CEP83: variants seen among roughly 807,000 people sequenced by gnomAD.
The protein encoded by CEP83 is centrosomal protein 83.
CEP83 carries 70 observed loss-of-function variants against 101.9 expected under a neutral mutation model. That is an observed-to-expected ratio of 0.69 (90% CI 0.57 to 0.84). The LOEUF is 0.84. Among genes scored for constraint, CEP83 ranks in the 40% least tolerant of loss-of-function variants. The pLI is 0.00. For synonymous variants in CEP83, 264 were observed against 267.9 expected (o/e 0.99, Z 0.14); for missense variants, 715 against 787.2 (o/e 0.91, Z 1.10).
At chr12:94,403,969 A>C (rs1407360332) in intron 4 of CEP83, among the ~76,000 whole-genome samples, 2 of 152,176 alleles carry the variant, frequency 1.3e-5, no homozygotes, top group African/African-American at 4.8e-5. Flanking sequence ...TGAAGAGTCC[A>C]AATATTGTAT....
At chr12:94,365,395 C>T (rs2060971870) in intron 11 of CEP83, among the ~76,000 whole-genome samples, 1 of 152,166 alleles carries the variant, frequency 6.6e-6, no homozygotes, top group Non-Finnish European at 1.5e-5. Flanking sequence ...CACCTATTTA[C>T]TTCAGGAATT....
the CEP83 span, among the ~76,000 whole-genome samples, chr12:94,289,375 C>A: frequency 9.2e-5 from 14 of 152,176 alleles, no homozygotes; most frequent in African/African-American, 3.4e-4. Context: ...GTTGTCACAT[C>A]GAATCCTAGA....
the CEP83 span, chr12:94,278,262 G>C: frequency 2.9e-6 from 1 of 350,718 alleles, no homozygotes; most frequent in Non-Finnish European, 5.7e-6. Flanking sequence ...TTCTGACTTT[G>C]TGATTACCAA....
chr12:94,346,885 A>C (rs906326459), intron 11 of CEP83, among the ~76,000 whole-genome samples: 1 of 152,092 alleles, frequency 6.6e-6, no homozygotes, highest in African/African-American at 2.4e-5. Flanking sequence ...TAAAAATATA[A>C]AACTTAGCCA....
the CEP83 span, among the ~76,000 whole-genome samples, chr12:94,273,219 A>G: frequency 2.3e-4 from 35 of 152,252 alleles, no homozygotes; most frequent in Admixed American, 1.2e-3. Flanking sequence ...CTAGAACCAT[A>G]TTCTTTTCTT....
chr12:94,358,149 T>C (rs1427044060), intron 11 of CEP83, among the ~76,000 whole-genome samples: 1 of 152,182 alleles, frequency 6.6e-6, no homozygotes, highest in Non-Finnish European at 1.5e-5. Context: ...TATATCAAAG[T>C]AGTTATATTT....
At chr12:94,428,222 G>A (rs1349265935) in intron 2 of CEP83, among the ~76,000 whole-genome samples, 1 of 152,216 alleles carries the variant, frequency 6.6e-6, no homozygotes, top group Non-Finnish European at 1.5e-5. Flanking sequence ...TGAAAGTTGT[G>A]ATCTGAAAGG....
chr12:94,290,696 T>C, the CEP83 span, among the ~76,000 whole-genome samples: 1 of 152,262 alleles, frequency 6.6e-6, no homozygotes, highest in Non-Finnish European at 1.5e-5. Context: ...GCTTGCTAGG[T>C]GGGCTAGTAC....
chr12:94,298,815 G>A, the CEP83 span: 12 of 1,599,390 alleles, frequency 7.5e-6, no homozygotes, highest in Non-Finnish European at 1.0e-5. Flanking sequence ...TAGGTGATTA[G>A]TGACTGTTTT....
At chr12:94,290,278 T>C in the CEP83 span, among the ~76,000 whole-genome samples, 1 of 152,238 alleles carries the variant, frequency 6.6e-6, no homozygotes, top group Non-Finnish European at 1.5e-5. Context: ...TCAAAGCTTC[T>C]CATAAACTCG....
At chr12:94,397,964 C>T (rs994143455) in intron 6 of CEP83, among the ~76,000 whole-genome samples, 2 of 152,142 alleles carry the variant, frequency 1.3e-5, no homozygotes, top group East Asian at 3.8e-4. Context: ...CGGTCACCTT[C>T]GAATGGGTAA....
At chr12:94,275,660 C>T in the CEP83 span, among the ~76,000 whole-genome samples, 16 of 91,398 alleles carry the variant, frequency 1.8e-4, 2 homozygotes, top group Non-Finnish European at 3.1e-4. Flanking sequence ...GAGACCATCC[C>T]GGCTAAAACG....
At chr12:94,376,072 C>G (rs1293920354) in intron 7 of CEP83, 55 bp from the exon 8 acceptor site, 1 of 1,081,938 alleles carries the variant, frequency 9.2e-7, no homozygotes, top group African/African-American at 1.6e-5. Context: ...ATTTCAAAAT[C>G]AAATAAGCAC....
the CEP83 span, among the ~76,000 whole-genome samples, chr12:94,298,375 A>G: frequency 6.6e-6 from 1 of 152,224 alleles, no homozygotes; most frequent in Non-Finnish European, 1.5e-5. Context: ...GATTTCTGAT[A>G]TCCTCCCAGT....
intron 14 of CEP83, among the ~76,000 whole-genome samples, chr12:94,331,302 A>AAAAAAAAGAAAG (rs2059197070): frequency 8.0e-6 from 1 of 125,114 alleles, no homozygotes; most frequent in African/African-American, 3.3e-5. Context: ...AAAAAAAAAA[A>AAAAAAAAGAAAG]AAAAAAAAAA....
At chr12:94,312,704 C>T in intron 15 of CEP83, 1 of 985,378 alleles carries the variant, frequency 1.0e-6, no homozygotes. Flanking sequence ...AATCATAAGG[C>T]AAACACCTGG....
rs796699857 is a variant in CEP83, at chr12:94,430,606, CTTTGTGACA to C, written c.-102+4660_-102+4668del. 2.0e-5 allele frequency among the ~76,000 whole-genome samples: 3 copies of C among 152,090 alleles called. No individual in the cohort carries two copies. In the South Asian group the frequency reaches 6.2e-4, roughly 32 times the overall value. On this transcript the variant is annotated intron_variant, in intron 2 of 16. Coordinates refer to ENST00000397809, the MANE Select transcript of CEP83 (RefSeq NM_016122.3). Reference sequence around the variant, plus strand: ...AAGAATAAAAAACAGTGAGCAAAGCCTTTGTGACATATGGGCACCACAAGGCAACTAAAT... The same window carrying C: ...AAGAATAAAAAACAGTGAGCAAAGCCTATGGGCACCACAAGGCAACTAAAT...
intron 2 of CEP83, among the ~76,000 whole-genome samples, chr12:94,421,552 C>A (rs922431313): frequency 5.3e-5 from 8 of 152,112 alleles, no homozygotes; most frequent in Non-Finnish European, 1.2e-4. Flanking sequence ...TCTACTATTT[C>A]TCCTTTATTC....
At chr12:94,412,204 A>C (rs1360746762) in intron 3 of CEP83, 114 bp downstream of exon 3, 4 of 801,760 alleles carry the variant, frequency 5.0e-6, no homozygotes, top group East Asian at 3.0e-5. Flanking sequence ...AAAGTTTTAA[A>C]TGTATACATT....
Sources: gnomAD v4.1 joint callset for allele counts (sites outside exome capture counted in the v4.1 genomes callset) on GRCh38, gnomAD v4.1.1 for gene constraint, MANE v1.5 for transcripts, NCBI Gene and HGNC (gene_info 2026-07-23, HGNC 2026-07-21) for gene names.